The following ZCWPW2 variants were observed in gnomAD, a reference collection of about 807,000 sequenced individuals.
ZCWPW2 encodes the protein zinc finger CW-type PWWP domain protein 2.
In ZCWPW2, 45 loss-of-function variants were observed where a neutral mutation model predicts 46.6. The ratio of observed to expected loss-of-function variants is 0.96; its 90% CI spans 0.76 to 1.24. The LOEUF is 1.24. Among genes scored for constraint, ZCWPW2 ranks in the 50% most tolerant of loss-of-function variants. The pLI is 0.00. For synonymous variants in ZCWPW2, 152 were observed against 137.1 expected (o/e 1.11, Z -0.76); for missense variants, 429 against 403.9 (o/e 1.06, Z -0.53).
rs189534938 is a variant in ZCWPW2 at position 28,525,920 on chromosome 3, T to C, written c.*1232T>C. On this transcript the variant is annotated 3_prime_UTR_variant, in exon 10 of 10. Coordinates refer to ENST00000383768, the MANE Select transcript of ZCWPW2 (RefSeq NM_001040432.4). ...AGCCTATCTGGGTTCATATTTTACA[T>C]ACTAGCTTGTCTTAAGTCATATAAC... Among the ~76,000 whole-genome samples, 166 of 152,308 alleles carry C rather than the reference T, an allele frequency of 1.1e-3. No individual in the cohort carries two copies. Among genetic ancestry groups the C allele is most frequent in the African/African-American group, 3.5e-3 (147 of 41,578 alleles).
At chr3:28,361,094 CA>C (rs1348039212) in intron 1 of ZCWPW2, among the ~76,000 whole-genome samples, 1 of 151,204 alleles carries the variant, frequency 6.6e-6, no homozygotes, top group African/African-American at 2.4e-5. Context: ...ATTCTAAAAT[CA>C]AAAAAAAGGT....
At chr3:28,352,642 G>A (rs142558995) in intron 1 of ZCWPW2, among the ~76,000 whole-genome samples, 13 of 152,244 alleles carry the variant, frequency 8.5e-5, no homozygotes, top group Non-Finnish European at 1.6e-4. Flanking sequence ...AATTTTTGAA[G>A]CATACCCATG....
At chr3:28,447,882 T>C in intron 4 of ZCWPW2, 1 of 963,058 alleles carries the variant, frequency 1.0e-6, no homozygotes, top group South Asian at 1.3e-5. Context: ...CAGGCAGACT[T>C]AGAGGGGTTC....
intron 1 of ZCWPW2, among the ~76,000 whole-genome samples, chr3:28,380,275 C>T (rs563225696): frequency 1.1e-3 from 167 of 152,250 alleles, no homozygotes; most frequent in African/African-American, 3.9e-3. Context: ...TGAGCCACCA[C>T]GCCCGGCCAG....
chr3:28,521,359 G>C (rs1415391212), intron 9 of ZCWPW2, among the ~76,000 whole-genome samples: 3 of 152,140 alleles, frequency 2.0e-5, no homozygotes, highest in African/African-American at 7.2e-5. Flanking sequence ...AAATCTTTGG[G>C]ATTGGAGTGA....
At chr3:28,353,811 G>A (rs896126357) in intron 1 of ZCWPW2, among the ~76,000 whole-genome samples, 1 of 152,202 alleles carries the variant, frequency 6.6e-6, no homozygotes, top group African/African-American at 2.4e-5. Flanking sequence ...CAATCATAGG[G>A]AGAAGAAATG....
intron 3 of ZCWPW2, among the ~76,000 whole-genome samples, chr3:28,416,916 G>C (rs1419190358): frequency 1.4e-5 from 2 of 142,196 alleles, no homozygotes; most frequent in African/African-American, 5.3e-5. Flanking sequence ...GATTCGGTTT[G>C]CCAGTATTTT....
chr3:28,508,107 G>A (rs1489537652), intron 6 of ZCWPW2, among the ~76,000 whole-genome samples: 2 of 152,052 alleles, frequency 1.3e-5, no homozygotes, highest in South Asian at 2.1e-4. Context: ...GAAGGCAAAG[G>A]GGAGTCAGCA....
At chr3:28,458,762 C>A (rs1332742028) in intron 4 of ZCWPW2, among the ~76,000 whole-genome samples, 2 of 152,132 alleles carry the variant, frequency 1.3e-5, no homozygotes. Context: ...TTAATTCAGC[C>A]AACCTGATTA....
chr3:28,489,548 G>C (rs754340853), intron 5 of ZCWPW2, among the ~76,000 whole-genome samples: 5 of 151,776 alleles, frequency 3.3e-5, no homozygotes, highest in Non-Finnish European at 7.4e-5. Context: ...TAGAAGAATG[G>C]TGGAGTCACC....
chr3:28,384,493 T>C (rs1695202462), intron 1 of ZCWPW2, among the ~76,000 whole-genome samples: 1 of 152,210 alleles, frequency 6.6e-6, no homozygotes, highest in African/African-American at 2.4e-5. Context: ...GTCTGTATAC[T>C]GAAAATATTT....
intron 2 of ZCWPW2, among the ~76,000 whole-genome samples, chr3:28,400,751 G>T (rs1002715926): frequency 6.6e-6 from 1 of 152,096 alleles, no homozygotes; most frequent in Non-Finnish European, 1.5e-5. Flanking sequence ...AAGATAATTC[G>T]CCACTACCAA....
intron 5 of ZCWPW2, among the ~76,000 whole-genome samples, chr3:28,490,977 T>C (rs1699790120): frequency 6.6e-6 from 1 of 152,132 alleles, no homozygotes; most frequent in African/African-American, 2.4e-5. Context: ...TTTTTAATTA[T>C]AAGTATTATT....
chr3:28,361,251 A>C (rs906796233), intron 1 of ZCWPW2, among the ~76,000 whole-genome samples: 36 of 152,152 alleles, frequency 2.4e-4, no homozygotes, highest in African/African-American at 8.0e-4. Context: ...ATCTTCAACA[A>C]AGATGCCAGA....
chr3:28,451,161 A>G (rs991697337), intron 4 of ZCWPW2, among the ~76,000 whole-genome samples: 1 of 152,202 alleles, frequency 6.6e-6, no homozygotes, highest in Non-Finnish European at 1.5e-5. Flanking sequence ...TGACTCCAAT[A>G]ACAAAAAGAG....
intron 1 of ZCWPW2, among the ~76,000 whole-genome samples, chr3:28,355,839 A>G (rs867601536): frequency 6.6e-6 from 1 of 152,364 alleles, no homozygotes; most frequent in Middle Eastern, 3.4e-3. Context: ...ACCTTGTACA[A>G]AAATTAATTC....
chr3:28,454,910 T>G (rs542245633), intron 4 of ZCWPW2, among the ~76,000 whole-genome samples: 1 of 152,232 alleles, frequency 6.6e-6, no homozygotes, highest in Non-Finnish European at 1.5e-5. Context: ...GTTGATTCCA[T>G]GTATTTGCTA....
chr3:28,380,816 C>G (rs1480341615), intron 1 of ZCWPW2, among the ~76,000 whole-genome samples: 5 of 150,538 alleles, frequency 3.3e-5, no homozygotes, highest in Non-Finnish European at 7.4e-5. Context: ...TTTCAAAGCT[C>G]TGTTCCCACC....
Position 28,379,042 on chromosome 3 carries a change from A to G in ZCWPW2, c.-133-11456A>G, listed in dbSNP as rs1705588017. Among the ~76,000 whole-genome samples the G allele has an allele frequency of 2.6e-5, 4 of 152,144 alleles. No homozygotes were observed. The South Asian group carries it at 8.3e-4, about 31-fold the overall frequency. Reference sequence around the variant, plus strand: ...TCAGGTGTGCCTTATGTGCTTCCATAGTATTCTATATTTGGCCCATAATAG... The same window carrying G: ...TCAGGTGTGCCTTATGTGCTTCCATGGTATTCTATATTTGGCCCATAATAG... On this transcript the variant is annotated intron_variant, in intron 1 of 9. Coordinates refer to ENST00000383768, the MANE Select transcript of ZCWPW2 (RefSeq NM_001040432.4).
Sources: allele counts gnomAD v4.1 joint callset (sites outside exome capture counted in the v4.1 genomes callset), GRCh38; gene constraint gnomAD v4.1.1; transcripts MANE v1.5; gene names NCBI Gene and HGNC (gene_info 2026-07-23, HGNC 2026-07-21).